RPUSD3: variants seen among roughly 807,000 people sequenced by gnomAD.
RPUSD3 encodes the protein RNA pseudouridine synthase D3, also known as mitochondrial mRNA pseudouridine synthase RPUSD3.
In RPUSD3, 36 loss-of-function variants were observed where a neutral mutation model predicts 35.1. The observed-to-expected ratio is 1.02, with a 90% CI of 0.79 to 1.35. The LOEUF is 1.35. Among genes scored for constraint, RPUSD3 ranks in the 40% most tolerant of loss-of-function variants. The pLI, the probability that RPUSD3 is intolerant of heterozygous loss-of-function variation, is 0.00. For synonymous variants in RPUSD3, 202 were observed against 187.8 expected (o/e 1.08, Z -0.62); for missense variants, 486 against 441.9 (o/e 1.10, Z -0.89).
exon 6 of RPUSD3, chr3:9,840,545 T>A (rs1330499872): frequency 6.2e-7 from 1 of 1,613,976 alleles, no homozygotes; most frequent in Admixed American, 1.7e-5. Flanking sequence ...ATTGACCCCA[T>A]CAATGTGTTC....
intron 7 of RPUSD3, 110 bp from the exon 8 acceptor site, chr3:9,839,281 A>T: frequency 1.5e-6 from 2 of 1,335,234 alleles, no homozygotes; most frequent in South Asian, 2.9e-5. Flanking sequence ...TTCTCAGATC[A>T]TATGTTTCAG....
At chr3:9,842,498 C>T in intron 2 of RPUSD3, 1 of 567,918 alleles carries the variant, frequency 1.8e-6, no homozygotes, top group Non-Finnish European at 3.2e-6. Context: ...TGTCACATCA[C>T]GGAGAGGTCT....
intron 1 of RPUSD3, 79 bp downstream of exon 1, chr3:9,843,811 T>C: frequency 1.3e-6 from 2 of 1,552,574 alleles, no homozygotes; most frequent in African/African-American, 1.4e-5. Context: ...TCGGGTAACA[T>C]CTACCTGATC....
intron 4 of RPUSD3, chr3:9,841,108 C>G (rs1000941594): frequency 1.1e-4 from 22 of 203,334 alleles, no homozygotes; most frequent in African/African-American, 4.0e-4. Context: ...AAGTTCTCTA[C>G]AAAAAAGCTC....
At chr3:9,840,053 G>A (rs2082080235) in intron 7 of RPUSD3, 131 bp downstream of exon 7, 1 of 1,202,452 alleles carries the variant, frequency 8.3e-7, no homozygotes, top group Non-Finnish European at 1.1e-6. Flanking sequence ...GCTAATTTTT[G>A]TAGTTTTTAG....
rs1559236341 is a variant in RPUSD3, at chr3:9,842,086, GA to G, written c.308-5del. On this transcript the variant is annotated splice_polypyrimidine_tract_variant and splice_region_variant and intron_variant, in intron 3 of 8. Transcript: ENST00000383820. Reference sequence around the variant, plus strand: ...AACGTCAGCTCTCCTGGTTTTCCTGGAAAGTAAGAAAGAAAAATTACAAGAG... The same window carrying G: ...AACGTCAGCTCTCCTGGTTTTCCTGGAAGTAAGAAAGAAAAATTACAAGAG... The G allele has an allele frequency of 1.9e-6, 3 of 1,609,372 alleles. No individual in the cohort carries two copies. Among genetic ancestry groups the G allele is most frequent in the Middle Eastern group, 1.7e-4 (1 of 6,036 alleles).
At chr3:9,839,292 TGAGGTCA>T in intron 7 of RPUSD3, 121 bp from the exon 8 acceptor site, 1 of 1,171,030 alleles carries the variant, frequency 8.5e-7, no homozygotes, top group Non-Finnish European at 1.2e-6. Flanking sequence ...TATGTTTCAG[TGAGGTCA>T]GTACTATGGC....
intron 6 of RPUSD3, 52 bp downstream of exon 6, chr3:9,840,480 G>A (rs755265738): frequency 1.3e-6 from 2 of 1,589,742 alleles, no homozygotes; most frequent in East Asian, 2.2e-5. Flanking sequence ...ACTCCTCTCT[G>A]TAGGGGTACT....
At chr3:9,841,863 A>C (rs1359688912) in intron 4 of RPUSD3, 120 bp downstream of exon 4, 1 of 810,570 alleles carries the variant, frequency 1.2e-6, no homozygotes, top group Non-Finnish European at 2.0e-6. Context: ...CAGTACTTGT[A>C]TCCACCTCTA....
At chr3:9,838,718 A>C (rs984581485) in intron 8 of RPUSD3, among the ~76,000 whole-genome samples, 1 of 152,228 alleles carries the variant, frequency 6.6e-6, no homozygotes, top group Non-Finnish European at 1.5e-5. Context: ...TAGAGCAGGT[A>C]GAGGCATCTG....
At chr3:9,839,314 GCATCCAGAGAGGGACA>G in intron 7 of RPUSD3, 143 bp from the exon 8 acceptor site, 1 of 859,338 alleles carries the variant, frequency 1.2e-6, no homozygotes, top group Non-Finnish European at 1.7e-6. Flanking sequence ...TATGGCCCCT[GCATCCAGAGAGGGACA>G]CATAACACGT....
chr3:9,843,817 T>G (rs2082140036), intron 1 of RPUSD3, 73 bp downstream of exon 1: 1 of 1,554,282 alleles, frequency 6.4e-7, no homozygotes. Context: ...AACATCTACC[T>G]GATCCAGATC....
At chr3:9,837,898 C>T in exon 9 of RPUSD3, 1 of 1,117,618 alleles carries the variant, frequency 8.9e-7, no homozygotes, top group Non-Finnish European at 1.2e-6. Context: ...AAGTTACTTG[C>T]CCAATGCCAC....
intron 2 of RPUSD3, 117 bp downstream of exon 2, chr3:9,843,348 C>T (rs2082130407): frequency 7.5e-6 from 11 of 1,468,806 alleles, no homozygotes; most frequent in Non-Finnish European, 1.0e-5. Context: ...TGTCCCAGCT[C>T]ATGCTGCTAG....
intron 8 of RPUSD3, 112 bp from the exon 9 acceptor site, chr3:9,838,319 T>G (rs1451942091): frequency 8.1e-6 from 8 of 984,892 alleles, no homozygotes; most frequent in Non-Finnish European, 1.5e-6. Flanking sequence ...CCCACTGTTC[T>G]GCAACTGTTA....
exon 5 of RPUSD3, chr3:9,840,786 G>A: frequency 6.2e-7 from 1 of 1,613,940 alleles, no homozygotes; most frequent in South Asian, 1.1e-5. Context: ...CTGGAGAGGA[G>A]TACAAGCCCA....
chr3:9,843,550 G>T (rs2082134579), exon 2 of RPUSD3: 2 of 1,613,712 alleles, frequency 1.2e-6, no homozygotes, highest in Non-Finnish European at 1.7e-6. Flanking sequence ...CGAAGGGCTG[G>T]TCCCCGAGGG....
intron 4 of RPUSD3, 150 bp from the exon 5 acceptor site, chr3:9,840,955 CCTT>C (rs995571457): frequency 1.3e-4 from 73 of 574,334 alleles, no homozygotes; most frequent in Non-Finnish European, 2.8e-5. Flanking sequence ...TAAGGTTTCC[CCTT>C]CTTTGATAAC....
chr3:9,837,919 A>C, exon 9 of RPUSD3: 2 of 1,312,998 alleles, frequency 1.5e-6, no homozygotes, highest in South Asian at 1.6e-5. Context: ...ACAGCAAGCA[A>C]GTGGCCTGTC....
Sources: allele counts gnomAD v4.1 joint callset (sites outside exome capture counted in the v4.1 genomes callset), GRCh38; gene constraint gnomAD v4.1.1; transcripts MANE v1.5; gene names NCBI Gene and HGNC (gene_info 2026-07-23, HGNC 2026-07-21).